The following GNAI1 variants were observed in gnomAD, a reference collection of about 807,000 sequenced individuals.
The protein encoded by GNAI1 is G protein subunit alpha i1, also known as guanine nucleotide-binding protein G(i) subunit alpha-1.
A neutral mutation model predicts 38.9 loss-of-function variants in GNAI1; 11 were observed. The ratio of observed to expected loss-of-function variants is 0.28; its 90% CI spans 0.18 to 0.47. The LOEUF (loss-of-function observed/expected upper bound fraction) is 0.47, where lower values mean the gene tolerates loss of function less well. GNAI1 is among the 20% of genes least tolerant of loss of function. The pLI is 0.99. For synonymous variants in GNAI1, 166 were observed against 145.1 expected (o/e 1.14, Z -1.04); for missense variants, 317 against 436.9 (o/e 0.73, Z 2.45).
intron 1 of GNAI1, among the ~76,000 whole-genome samples, chr7:80,166,153 A>G (rs941021805): frequency 3.3e-5 from 5 of 152,184 alleles, no homozygotes; most frequent in African/African-American, 1.2e-4. Context: ...ATTTTTATGC[A>G]TTAACAACAG....
chr7:80,139,384 A>G (rs573415043), intron 1 of GNAI1, among the ~76,000 whole-genome samples: 90 of 152,260 alleles, frequency 5.9e-4, no homozygotes, highest in Admixed American at 1.0e-3. Context: ...AAAATCTTTT[A>G]GACTTGGCTT....
intron 1 of GNAI1, among the ~76,000 whole-genome samples, chr7:80,141,802 T>G (rs1787530623): frequency 6.6e-6 from 1 of 152,200 alleles, no homozygotes; most frequent in South Asian, 2.1e-4. Context: ...CTTGGAAATC[T>G]CTTCATCTTA....
intron 1 of GNAI1, among the ~76,000 whole-genome samples, chr7:80,159,114 G>T (rs1787872562): frequency 6.6e-6 from 1 of 152,100 alleles, no homozygotes; most frequent in African/African-American, 2.4e-5. Flanking sequence ...GTGCCATCCT[G>T]GGCCACATAA....
chr7:80,139,218 A>G (rs1026160182), intron 1 of GNAI1, among the ~76,000 whole-genome samples: 1 of 151,998 alleles, frequency 6.6e-6, no homozygotes, highest in Non-Finnish European at 1.5e-5. Context: ...TTTCATTTTC[A>G]TATTCATAGT....
rs910054930 is a variant in GNAI1, at chr7:80,217,843, G to C, written c.*350G>C. The C allele has an allele frequency of 6.4e-6, 1 of 156,836 alleles. No individual in the cohort carries two copies. Among genetic ancestry groups the C allele is most frequent in the African/African-American group, 2.4e-5 (1 of 41,660 alleles). 9.7% of individuals were successfully genotyped at this position (156,836 alleles called of 1,614,324 possible). On this transcript the variant is annotated 3_prime_UTR_variant, in exon 8 of 8. Transcript: ENST00000649796. ...TTAAGAGTGGCAACTTAGGATTTTA[G>C]GGTGATGGCTTTGGAAATAACATAA...
At chr7:80,188,584 A>C (rs1261989360) in intron 1 of GNAI1, among the ~76,000 whole-genome samples, 4 of 152,346 alleles carry the variant, frequency 2.6e-5, no homozygotes, top group Admixed American at 1.3e-4. Flanking sequence ...ATATTACAAA[A>C]TATATGTATC....
chr7:80,205,395 T>C (rs910659435), intron 5 of GNAI1, among the ~76,000 whole-genome samples: 23 of 152,106 alleles, frequency 1.5e-4, no homozygotes, highest in Admixed American at 1.3e-4. Context: ...CAATTAGATA[T>C]CATCTCTCAG....
At position 80,224,341 on chromosome 7, in the gene GNAI1, T is replaced by C. The variant is rs1789125661; in HGVS notation, c.*6848T>C. 6.6e-6 allele frequency among the ~76,000 whole-genome samples: 1 copy of C among 152,204 alleles called. No homozygotes were observed. The highest frequency in any genetic ancestry group is 6.5e-5 in the Admixed American group (1 of 15,278). On this transcript the variant is annotated 3_prime_UTR_variant, in exon 8 of 8. Coordinates refer to ENST00000649796, the MANE Select transcript of GNAI1 (RefSeq NM_002069.6). ...AGAGAGGTTAGTATTTTGTGCAATG[T>C]TGGCTATCTAGGAAGTGGCAGAGCT...
In GNAI1 at chr7:80,221,718, C is replaced by T. The variant is rs1320821381; in HGVS notation, c.*4225C>T. On this transcript the variant is annotated 3_prime_UTR_variant, in exon 8 of 8. Transcript: ENST00000649796. ...AGTGCAGTCGTGCAATCTCCACTCT[C>T]TGCAACCTCCAACTCCATGGTTCAA... 7.5e-6 allele frequency among the ~76,000 whole-genome samples: 1 copy of T among 133,710 alleles called. No homozygotes were observed. The highest frequency in any genetic ancestry group is 1.5e-5 in the Non-Finnish European group (1 of 64,966). The allele number at this position is 133,710 out of a possible 152,430, so 87.7% of individuals were successfully genotyped here.
intron 1 of GNAI1, among the ~76,000 whole-genome samples, chr7:80,173,317 G>A (rs982880143): frequency 2.6e-5 from 4 of 152,058 alleles, no homozygotes; most frequent in Admixed American, 2.0e-4. Flanking sequence ...AACCTGTTAC[G>A]TATGTTTTAG....
At chr7:80,162,056 G>A (rs1787933118) in intron 1 of GNAI1, among the ~76,000 whole-genome samples, 1 of 152,072 alleles carries the variant, frequency 6.6e-6, no homozygotes, top group Admixed American at 6.6e-5. Flanking sequence ...TTGGAGGTGG[G>A]GCATTTGGGA....
At chr7:80,212,670 A>C in intron 6 of GNAI1, 46 bp from the exon 7 acceptor site, 1 of 1,261,822 alleles carries the variant, frequency 7.9e-7, no homozygotes, top group Middle Eastern at 2.5e-4. Context: ...AGTCCTCAAA[A>C]ATCCTTGCTG....
chr7:80,171,858 T>C (rs994369397), intron 1 of GNAI1, among the ~76,000 whole-genome samples: 29 of 152,194 alleles, frequency 1.9e-4, no homozygotes, highest in Middle Eastern at 3.2e-3. Context: ...CCCTCAGCTT[T>C]TCTTCAAATG....
chr7:80,210,876 C>A, intron 5 of GNAI1, 93 bp from the exon 6 acceptor site: 1 of 1,062,054 alleles, frequency 9.4e-7, no homozygotes, highest in Non-Finnish European at 1.4e-6. Flanking sequence ...GACATTTCCA[C>A]AACTATTCAG....
chr7:80,150,200 T>A (rs1413771563), intron 1 of GNAI1, among the ~76,000 whole-genome samples: 2 of 152,136 alleles, frequency 1.3e-5, no homozygotes, highest in Non-Finnish European at 1.5e-5. Context: ...CCAGAGAAAG[T>A]GGTGTACATG....
intron 1 of GNAI1, among the ~76,000 whole-genome samples, chr7:80,155,844 C>T (rs1787808705): frequency 6.6e-6 from 1 of 151,802 alleles, no homozygotes; most frequent in Non-Finnish European, 1.5e-5. Context: ...ATCACGAGGT[C>T]AGGAGTTTGA....
intron 1 of GNAI1, among the ~76,000 whole-genome samples, chr7:80,175,452 G>A (rs918031472): frequency 6.6e-6 from 1 of 151,652 alleles, no homozygotes; most frequent in Admixed American, 6.6e-5. Context: ...ATCAAACATG[G>A]GTTAAAGATT....
At chr7:80,210,226 A>G (rs1788849490) in intron 5 of GNAI1, among the ~76,000 whole-genome samples, 3 of 152,158 alleles carry the variant, frequency 2.0e-5, no homozygotes, top group Admixed American at 1.3e-4. Context: ...GGAATAGACT[A>G]TTGTCTTTAT....
rs1029849924 is a variant in GNAI1, at chr7:80,223,122, G to T, written c.*5629G>T. On this transcript the variant is annotated 3_prime_UTR_variant, in exon 8 of 8. Coordinates refer to ENST00000649796, the MANE Select transcript of GNAI1 (RefSeq NM_002069.6). ...CATACCAGTTTCGCACCAATGTAAA[G>T]TTGAAAAATTGTTAAGTTGGACCAT... 7.2e-5 allele frequency among the ~76,000 whole-genome samples: 11 copies of T among 152,160 alleles called. No homozygotes were observed. The highest frequency in any genetic ancestry group is 2.7e-4 in the African/African-American group (11 of 41,440).
Sources: allele counts gnomAD v4.1 joint callset (sites outside exome capture counted in the v4.1 genomes callset), GRCh38; gene constraint gnomAD v4.1.1; transcripts MANE v1.5; gene names NCBI Gene and HGNC (gene_info 2026-07-23, HGNC 2026-07-21).